The following BARD1 variants were observed in gnomAD, a reference collection of about 807,000 sequenced individuals.
BARD1 encodes the protein BRCA1-associated RING domain protein 1.
BARD1 carries 73 observed loss-of-function variants against 77.0 expected under a neutral mutation model. That is an observed-to-expected ratio of 0.95 (90% confidence interval 0.79 to 1.15). The LOEUF (loss-of-function observed/expected upper bound fraction) is 1.15, where lower values mean the gene tolerates loss of function less well. BARD1 is among the 50% of genes most tolerant of loss of function. The pLI, the probability that BARD1 is intolerant of heterozygous loss-of-function variation, is 0.00. For missense variants in BARD1, 993 were observed against 938.8 expected (o/e 1.06, Z -0.75); for synonymous variants, 384 against 338.0 (o/e 1.14, Z -1.49).
In BARD1 at chr2:214,725,730, A is replaced by G. The variant is rs763370624; in HGVS notation, c.*2946T>C. On this transcript the variant is annotated 3_prime_UTR_variant, in exon 11 of 11. Coordinates refer to ENST00000260947, the MANE Select transcript of BARD1 (RefSeq NM_000465.4). ...ACTTATAAAGAAATACATGAAGTTT[A>G]CAATCTGTAGCTCAATCTATCAAAG... is the stretch of plus-strand genomic sequence containing the variant. 3.6e-5 allele frequency: 8 copies of G among 225,168 alleles called. No homozygotes were observed. Among genetic ancestry groups the G allele is most frequent in the Non-Finnish European group, 7.1e-5 (8 of 113,046 alleles). The allele number at this position is 225,168 out of a possible 1,614,324, so 13.9% of individuals were successfully genotyped here.
intron 8 of BARD1, 124 bp downstream of exon 8, chr2:214,745,598 G>A: frequency 8.3e-7 from 1 of 1,210,358 alleles, no homozygotes; most frequent in Non-Finnish European, 1.2e-6. Flanking sequence ...TGTATTACAA[G>A]ATGCAAAGTA....
intron 1 of BARD1, among the ~76,000 whole-genome samples, chr2:214,804,342 T>G (rs558866917): frequency 6.6e-6 from 1 of 152,344 alleles, no homozygotes; most frequent in African/African-American, 2.4e-5. Context: ...CTAAGTTCTT[T>G]CATACATCAA....
Position 214,780,622 on chromosome 2 carries a change from G to C in BARD1, c.1252C>G (p.Pro418Ala). 3 of 1,614,056 alleles carry C rather than the reference G, an allele frequency of 1.9e-6. No individual in the cohort carries two copies. The South Asian group carries it at 3.3e-5, about 18-fold the overall frequency. The change falls in exon 4 of 11, where the codon CCC becomes GCC. Residue 418 changes from proline (P) to alanine (A), a missense_variant. By Grantham distance (27) the Pro-to-Ala change is conservative (BLOSUM62 -1). Coordinates refer to ENST00000260947, the MANE Select transcript of BARD1 (RefSeq NM_000465.4). ...TGATTTCTTTTCACAGCCATATTGG[G>C]CAACAGCTTCATTGCTGAGGGACTA... ...MSSPSAMKLL[P>A]NMAVKRNHRG...
intron 4 of BARD1, among the ~76,000 whole-genome samples, chr2:214,770,296 G>A (rs1049031371): frequency 6.6e-6 from 1 of 152,176 alleles, no homozygotes; most frequent in Non-Finnish European, 1.5e-5. Context: ...TAGAGCTTCT[G>A]TAATGTAGCC....
chr2:214,744,207 T>C (rs891590759), intron 9 of BARD1, among the ~76,000 whole-genome samples: 2 of 152,080 alleles, frequency 1.3e-5, no homozygotes, highest in Non-Finnish European at 2.9e-5. Context: ...CTGAAGGTGA[T>C]GGTGGGTTGA....
At chr2:214,750,884 T>C (rs1379628385) in intron 7 of BARD1, among the ~76,000 whole-genome samples, 2 of 151,952 alleles carry the variant, frequency 1.3e-5, no homozygotes, top group Non-Finnish European at 2.9e-5. Flanking sequence ...ATTTGGTTCC[T>C]TGATGCAACC....
chr2:214,795,511 C>T (rs535804788), intron 2 of BARD1, among the ~76,000 whole-genome samples: 6 of 151,930 alleles, frequency 3.9e-5, no homozygotes, highest in East Asian at 1.9e-4. Flanking sequence ...TGGATATTAT[C>T]GTGATTTTTC....
intron 4 of BARD1, among the ~76,000 whole-genome samples, chr2:214,776,315 A>G (rs934303033): frequency 6.6e-6 from 1 of 152,184 alleles, no homozygotes; most frequent in Non-Finnish European, 1.5e-5. Flanking sequence ...AATTTTCTCT[A>G]TATCCTTAGT....
At chr2:214,734,258 T>C (rs1357595639) in intron 9 of BARD1, among the ~76,000 whole-genome samples, 1 of 152,082 alleles carries the variant, frequency 6.6e-6, no homozygotes, top group African/African-American at 2.4e-5. Flanking sequence ...CAGGAAATAA[T>C]ACACAGCCAG....
chr2:214,755,401 G>A (rs1201167279), intron 6 of BARD1, among the ~76,000 whole-genome samples: 1 of 152,086 alleles, frequency 6.6e-6, no homozygotes, highest in African/African-American at 2.4e-5. Context: ...CTCTTTTCTA[G>A]CATGATTTAA....
intron 3 of BARD1, among the ~76,000 whole-genome samples, chr2:214,790,294 C>T (rs925028046): frequency 2.0e-5 from 3 of 152,028 alleles, no homozygotes; most frequent in African/African-American, 7.2e-5. Context: ...GAGGTCCTAA[C>T]CCCCCAGTAA....
At chr2:214,736,310 C>T (rs1272098325) in intron 9 of BARD1, among the ~76,000 whole-genome samples, 4 of 151,976 alleles carry the variant, frequency 2.6e-5, no homozygotes, top group Non-Finnish European at 5.9e-5. Context: ...AAATAAAAAA[C>T]CATCAGGAAT....
chr2:214,785,207 C>T (rs1293075735), intron 3 of BARD1, among the ~76,000 whole-genome samples: 3 of 151,916 alleles, frequency 2.0e-5, no homozygotes, highest in Non-Finnish European at 4.4e-5. Flanking sequence ...AATTGTTTTA[C>T]AGTTTAATTC....
intron 3 of BARD1, among the ~76,000 whole-genome samples, chr2:214,782,379 C>T (rs73989350): frequency 0.037 from 5,665 of 152,034 alleles, 232 homozygotes; most frequent in African/African-American, 0.11. Context: ...TGAAAGGGAG[C>T]ACAAGAGGGG....
chr2:214,779,370 AGTT>A (rs1439281998), intron 4 of BARD1, among the ~76,000 whole-genome samples: 5 of 152,330 alleles, frequency 3.3e-5, no homozygotes, highest in Non-Finnish European at 5.9e-5. Context: ...CTATGTAGAT[AGTT>A]GTTATACGAT....
chr2:214,760,209 T>G (rs890110969), intron 6 of BARD1, among the ~76,000 whole-genome samples: 1 of 152,214 alleles, frequency 6.6e-6, no homozygotes, highest in African/African-American at 2.4e-5. Context: ...TTATTATTAT[T>G]TGAGACCGAG....
At position 214,752,562 on chromosome 2, in the gene BARD1, A is replaced by C. The variant is rs1559395026; in HGVS notation, c.1569-7T>G. On this transcript the variant is annotated splice_polypyrimidine_tract_variant and splice_region_variant and intron_variant, in intron 6 of 10. Transcript: ENST00000260947. ...CCGCAGACCAAATATATTACTGGTA[A>C]AATAAGTGCAGATGTGTTTAAGTAA... 1.2e-6 allele frequency: 2 copies of C among 1,603,810 alleles called. No homozygotes were observed. The highest frequency in any genetic ancestry group is 8.5e-7 in the Non-Finnish European group (1 of 1,170,818).
At chr2:214,767,854 A>C (rs1694289504) in intron 5 of BARD1, among the ~76,000 whole-genome samples, 200 bp from the exon 6 acceptor site, 1 of 152,212 alleles carries the variant, frequency 6.6e-6, no homozygotes, top group Non-Finnish European at 1.5e-5. Context: ...TGTGTAACTC[A>C]TAAAAAAAGA....
chr2:214,730,778 T>C, intron 9 of BARD1: 1 of 488,510 alleles, frequency 2.0e-6, no homozygotes, highest in Non-Finnish European at 3.8e-6. Context: ...TTAATCTCCT[T>C]TCTGAAAAAC....
Sources: gnomAD v4.1 joint callset for allele counts (sites outside exome capture counted in the v4.1 genomes callset) on GRCh38, gnomAD v4.1.1 for gene constraint, MANE v1.5 for transcripts, NCBI Gene and HGNC (gene_info 2026-07-23, HGNC 2026-07-21) for gene names.